Variants in SORCS3 observed in about 807,000 individuals in gnomAD.
The protein encoded by SORCS3 is sortilin related VPS10 domain containing receptor 3.
SORCS3 carries 57 observed loss-of-function variants against 146.3 expected under a neutral mutation model. That is an observed-to-expected ratio of 0.39 (90% CI 0.31 to 0.49). The LOEUF (loss-of-function observed/expected upper bound fraction) is 0.49. Ranked by LOEUF, SORCS3 falls within the 20% of genes least tolerant of loss-of-function variation. SORCS3 has a pLI of 0.92. For synonymous variants in SORCS3, 653 were observed against 618.5 expected, an observed-to-expected ratio of 1.06 and a Z score of -0.83; for missense variants, 1,341 against 1,575.5, an observed-to-expected ratio of 0.85 and a Z score of 2.52.
intron 2 of SORCS3, among the ~76,000 whole-genome samples, chr10:104,904,509 AT>A (rs2018883249): frequency 6.6e-6 from 1 of 152,134 alleles, no homozygotes; most frequent in South Asian, 2.1e-4. Flanking sequence ...TTAATACAAG[AT>A]TTTGGCTAGA....
chr10:105,056,647 A>G (rs2055447881), intron 5 of SORCS3, among the ~76,000 whole-genome samples: 2 of 152,212 alleles, frequency 1.3e-5, no homozygotes, highest in Non-Finnish European at 2.9e-5. Flanking sequence ...TAGATGAGCT[A>G]CTGACTTATG....
intron 1 of SORCS3, among the ~76,000 whole-genome samples, chr10:104,757,078 T>G (rs1288826104): frequency 1.3e-5 from 2 of 150,064 alleles, no homozygotes; most frequent in Admixed American, 6.6e-5. Context: ...TTTTTTTTTT[T>G]TTTTTTTTTT....
chr10:104,809,727 G>C (rs2133517410), intron 1 of SORCS3, among the ~76,000 whole-genome samples: 2 of 152,322 alleles, frequency 1.3e-5, no homozygotes, highest in Middle Eastern at 6.8e-3. Flanking sequence ...TCTTACTCAT[G>C]ATGTCTCCAT....
At chr10:105,253,616 G>A (rs2056913517) in intron 23 of SORCS3, among the ~76,000 whole-genome samples, 1 of 152,082 alleles carries the variant, frequency 6.6e-6, no homozygotes, top group Admixed American at 6.5e-5. Flanking sequence ...GCTAAGTCAG[G>A]TGCAATAGAA....
chr10:105,260,168 A>G (rs1410501293), intron 25 of SORCS3, among the ~76,000 whole-genome samples: 1 of 152,202 alleles, frequency 6.6e-6, no homozygotes, highest in Non-Finnish European at 1.5e-5. Flanking sequence ...AATAATCTCT[A>G]TAAGGGCAAG....
chr10:105,252,779 C>G lies in SORCS3; in HGVS notation c.3110C>G (p.Thr1037Ser), dbSNP rs771804310. 49 of 1,613,814 alleles carry G rather than the reference C, an allele frequency of 3.0e-5. No individual in the cohort carries two copies. The Middle Eastern group carries it at 9.9e-4, about 32-fold the overall frequency. The stretch of plus-strand genomic sequence containing the variant: ...TTTGTCTGAACATCTTTGCAGGTAA[C>G]CAGTGTCCCAGAGGACCAGATCCTC... ...NVIKRALVKV[T>S]SVPEDQILIA... The change falls in exon 23 of 27, where the codon ACC becomes AGC. Residue 1037 changes from threonine (T) to serine (S), a missense_variant. By Grantham distance (58) the Thr-to-Ser change is moderately conservative. Coordinates refer to ENST00000369701, the MANE Select transcript of SORCS3 (RefSeq NM_014978.3).
intron 3 of SORCS3, among the ~76,000 whole-genome samples, chr10:104,952,255 GAAAAAAAAAAAAAAAAA>G (rs55880149): frequency 1.5e-4 from 6 of 40,610 alleles, no homozygotes; most frequent in African/African-American, 1.8e-4. Context: ...ATGAATGTTT[GAAAAAAAAAAAAAAAAA>G]AAAAAAAAAA....
At position 105,165,244 on chromosome 10, in the gene SORCS3, G is replaced by T. The variant is rs546697177; in HGVS notation, c.1809+865G>T. Among the ~76,000 whole-genome samples, 13 of 152,070 alleles carry T rather than the reference G, an allele frequency of 8.5e-5. No homozygotes were observed. The East Asian group carries it at 2.5e-3, about 29-fold the overall frequency. On this transcript the variant is annotated intron_variant, in intron 12 of 26. Coordinates refer to ENST00000369701, the MANE Select transcript of SORCS3 (RefSeq NM_014978.3). The stretch of plus-strand genomic sequence containing the variant: ...TCGTAGCTAGATAACTATAATTCAG[G>T]GTGATAATAATATTTTAGTGGCATT...
In SORCS3 at chr10:105,125,679, C is replaced by CCACACACACACACACACACACA. The variant is rs71022752; in HGVS notation, c.1213-13709_1213-13688dup. On this transcript the variant is annotated intron_variant, in intron 7 of 26. Coordinates refer to ENST00000369701, the MANE Select transcript of SORCS3 (RefSeq NM_014978.3). ...ACATGCATGTTGCATCACTGAATAT[C>CCACACACACACACACACACACA]CACACACACACACACACACACACAC... is the stretch of plus-strand genomic sequence containing the variant. Among the ~76,000 whole-genome samples the CCACACACACACACACACACACA allele has an allele frequency of 9.0e-3, 1,295 of 144,428 alleles. 17 individuals carry two copies. Among genetic ancestry groups the CCACACACACACACACACACACA allele is most frequent in the African/African-American group, 0.019 (717 of 38,456 alleles). 94.8% of individuals were successfully genotyped at this position (144,428 alleles called of 152,430 possible).
chr10:104,904,489 T>G (rs1402611152), intron 2 of SORCS3, among the ~76,000 whole-genome samples: 3 of 150,082 alleles, frequency 2.0e-5, no homozygotes, highest in Non-Finnish European at 4.5e-5. Context: ...ACAACACACA[T>G]TCAAGTTATT....
chr10:104,945,311 G>T, intron 3 of SORCS3, among the ~76,000 whole-genome samples: 1 of 152,056 alleles, frequency 6.6e-6, no homozygotes, highest in Admixed American at 6.5e-5. Flanking sequence ...GAGTGCAGTT[G>T]CATGATCTCG....
intron 14 of SORCS3, among the ~76,000 whole-genome samples, chr10:105,182,091 G>T (rs1035681406): frequency 2.0e-4 from 30 of 152,114 alleles, no homozygotes; most frequent in African/African-American, 7.2e-4. Flanking sequence ...AAAAATCTTA[G>T]AAGGGAGAAG....
chr10:104,729,472 T>TA (rs373800149), intron 1 of SORCS3, among the ~76,000 whole-genome samples: 75 of 152,328 alleles, frequency 4.9e-4, no homozygotes, highest in African/African-American at 1.7e-3. Context: ...AAGAAATATG[T>TA]AGGTGACATG....
intron 1 of SORCS3, among the ~76,000 whole-genome samples, chr10:104,793,571 T>C (rs987263691): frequency 2.0e-5 from 3 of 152,078 alleles, no homozygotes; most frequent in African/African-American, 7.2e-5. Context: ...GGGGATGGGA[T>C]TGTTAGGACT....
intron 4 of SORCS3, among the ~76,000 whole-genome samples, chr10:105,037,856 C>A (rs902509367): frequency 4.6e-5 from 7 of 152,162 alleles, no homozygotes; most frequent in African/African-American, 1.7e-4. Context: ...TTTGAACAGG[C>A]TTTCCGGGTA....
At chr10:105,021,979 G>C (rs1307410201) in intron 4 of SORCS3, among the ~76,000 whole-genome samples, 1 of 152,168 alleles carries the variant, frequency 6.6e-6, no homozygotes, top group Admixed American at 6.6e-5. Flanking sequence ...TTCCAACTAT[G>C]ACATTTTGGA....
intron 3 of SORCS3, among the ~76,000 whole-genome samples, chr10:104,917,550 A>G (rs761344443): frequency 3.9e-5 from 6 of 152,200 alleles, no homozygotes; most frequent in African/African-American, 9.6e-5. Context: ...GCCATTAACT[A>G]TAGTCATCAT....
At chr10:104,715,916 G>A (rs1005939890) in intron 1 of SORCS3, among the ~76,000 whole-genome samples, 16 of 152,092 alleles carry the variant, frequency 1.1e-4, no homozygotes, top group Non-Finnish European at 2.1e-4. Flanking sequence ...TGGCTTTCTG[G>A]TGTATGCCAA....
chr10:105,222,862 A>G (rs1320742489), intron 19 of SORCS3, among the ~76,000 whole-genome samples: 3 of 152,252 alleles, frequency 2.0e-5, no homozygotes, highest in Non-Finnish European at 4.4e-5. Flanking sequence ...GTTCATAAGC[A>G]TCTGTGGTTA....
Sources: gnomAD v4.1 joint callset for allele counts (sites outside exome capture counted in the v4.1 genomes callset) on GRCh38, gnomAD v4.1.1 for gene constraint, MANE v1.5 for transcripts, NCBI Gene and HGNC (gene_info 2026-07-23, HGNC 2026-07-21) for gene names.